Variants in EEF1AKMT1 observed in about 807,000 individuals in gnomAD.
EEF1AKMT1 encodes N-6 adenine-specific DNA methyltransferase 2 (putative).
In EEF1AKMT1, 18 loss-of-function variants were observed where a neutral mutation model predicts 21.0. That is an observed-to-expected ratio of 0.86 (90% confidence interval 0.59 to 1.27). EEF1AKMT1 has a LOEUF of 1.27. Ranked by LOEUF, EEF1AKMT1 falls within the 50% of genes most tolerant of loss-of-function variation. EEF1AKMT1 has a pLI of 0.00. For synonymous variants in EEF1AKMT1, 109 were observed against 94.8 expected (o/e 1.15, Z -0.87); for missense variants, 246 against 258.6 (o/e 0.95, Z 0.33).
At chr13:20,750,728 G>A (rs2058935741) in intron 2 of EEF1AKMT1, among the ~76,000 whole-genome samples, 1 of 152,120 alleles carries the variant, frequency 6.6e-6, no homozygotes, top group Non-Finnish European at 1.5e-5. Context: ...AGGTCATATG[G>A]TAATTCTGGT....
chr13:20,762,883 G>A (rs1282167317), intron 1 of EEF1AKMT1, among the ~76,000 whole-genome samples: 1 of 152,070 alleles, frequency 6.6e-6, no homozygotes, highest in Admixed American at 6.5e-5. Flanking sequence ...TCATGAATGG[G>A]TGTTGAATTT....
intron 1 of EEF1AKMT1, among the ~76,000 whole-genome samples, chr13:20,765,983 AT>A (rs1360573877): frequency 6.6e-6 from 1 of 152,044 alleles, no homozygotes; most frequent in Non-Finnish European, 1.5e-5. Flanking sequence ...GTAGGCATAT[AT>A]GAAAAGATGC....
intron 2 of EEF1AKMT1, among the ~76,000 whole-genome samples, chr13:20,739,904 T>C (rs955039811): frequency 6.6e-6 from 1 of 152,248 alleles, no homozygotes; most frequent in Non-Finnish European, 1.5e-5. Context: ...CAGGCAGAGC[T>C]GCCCACCAGT....
chr13:20,739,542 C>A (rs577934172), intron 2 of EEF1AKMT1, among the ~76,000 whole-genome samples: 45 of 152,236 alleles, frequency 3.0e-4, no homozygotes, highest in Non-Finnish European at 5.7e-4. Context: ...GAGCTAGACA[C>A]AGAGTGCTGA....
rs530371062 is a variant in EEF1AKMT1 at position 20,743,119 on chromosome 13, T to G, written c.145-5314A>C. 2.0e-5 allele frequency among the ~76,000 whole-genome samples: 3 copies of G among 152,258 alleles called. No individual in the cohort carries two copies. The South Asian group carries it at 6.2e-4, about 32-fold the overall frequency. ...TCTCACTCTGTTGCCCAGCCTGGAG[T>G]GCAGTGGCGCAATCTCAGCTCACTA... On this transcript the variant is annotated intron_variant, in intron 2 of 4. Coordinates refer to ENST00000382758, the MANE Select transcript of EEF1AKMT1 (RefSeq NM_001318939.2).
chr13:20,739,362 G>A (rs765514723), intron 2 of EEF1AKMT1, among the ~76,000 whole-genome samples: 12 of 152,208 alleles, frequency 7.9e-5, no homozygotes, highest in Admixed American at 2.6e-4. Context: ...CCGCCGCTAA[G>A]CAGGGGCAGC....
At chr13:20,753,225 C>T (rs2058952622) in intron 2 of EEF1AKMT1, among the ~76,000 whole-genome samples, 1 of 151,974 alleles carries the variant, frequency 6.6e-6, no homozygotes, top group Admixed American at 6.6e-5. Flanking sequence ...TATTTAAATT[C>T]CCTGTATTTT....
At chr13:20,752,878 T>A (rs1595023935) in intron 2 of EEF1AKMT1, among the ~76,000 whole-genome samples, 1 of 152,136 alleles carries the variant, frequency 6.6e-6, no homozygotes, top group Middle Eastern at 3.4e-3. Flanking sequence ...GTTTTCCCTA[T>A]GTTTTCAAAA....
intron 3 of EEF1AKMT1, among the ~76,000 whole-genome samples, chr13:20,733,905 T>C (rs79232142): frequency 0.028 from 4,340 of 152,338 alleles, 97 homozygotes; most frequent in Non-Finnish European, 0.044. Flanking sequence ...CCCGTCTTAC[T>C]TAGGTACCCA....
At chr13:20,760,202 C>T (rs2141433954) in intron 1 of EEF1AKMT1, among the ~76,000 whole-genome samples, 1 of 151,092 alleles carries the variant, frequency 6.6e-6, no homozygotes, top group East Asian at 1.9e-4. Flanking sequence ...TGTAAGTTAG[C>T]TAATCCTATG....
chr13:20,748,726 GTTTT>G (rs750094631), intron 2 of EEF1AKMT1, among the ~76,000 whole-genome samples: 1 of 72,614 alleles, frequency 1.4e-5, no homozygotes, highest in Non-Finnish European at 2.2e-5. Flanking sequence ...TTTTTTTTTG[GTTTT>G]TTTTTTTTTT....
At chr13:20,768,188 C>T (rs1319363302) in intron 1 of EEF1AKMT1, among the ~76,000 whole-genome samples, 1 of 152,192 alleles carries the variant, frequency 6.6e-6, no homozygotes, top group African/African-American at 2.4e-5. Flanking sequence ...GAATGCCAGA[C>T]ATTGTGGATT....
intron 1 of EEF1AKMT1, among the ~76,000 whole-genome samples, chr13:20,771,527 A>G (rs1201294785): frequency 6.6e-6 from 1 of 152,230 alleles, no homozygotes; most frequent in Non-Finnish European, 1.5e-5. Flanking sequence ...AGAGGAAAAG[A>G]CAGACTAAAA....
In EEF1AKMT1 at chr13:20,767,652, G is replaced by T. The variant is rs187231717; in HGVS notation, c.-20+6269C>A. On this transcript the variant is annotated intron_variant, in intron 1 of 4. Transcript: ENST00000382758. The stretch of plus-strand genomic sequence containing the variant: ...ATTTGATTATGATGTGCCTTGGTGT[G>T]GTTTTTTACACGTTTCTTGTATTTT... Among the ~76,000 whole-genome samples, 1,194 of 152,038 alleles carry T rather than the reference G, an allele frequency of 7.9e-3. 28 individuals carry two copies. In the South Asian group the frequency reaches 0.095, roughly 12 times the overall value.
intron 1 of EEF1AKMT1, among the ~76,000 whole-genome samples, chr13:20,768,585 A>T (rs908759169): frequency 6.6e-6 from 1 of 152,082 alleles, no homozygotes; most frequent in African/African-American, 2.4e-5. Flanking sequence ...CACTCTAGCC[A>T]TCTTGGCCTA....
chr13:20,761,110 G>A (rs751125546), intron 1 of EEF1AKMT1, among the ~76,000 whole-genome samples: 21 of 152,150 alleles, frequency 1.4e-4, no homozygotes, highest in Middle Eastern at 3.2e-3. Flanking sequence ...ATTTGCAGGC[G>A]TATGCACATG....
chr13:20,739,248 C>T (rs979199194), intron 2 of EEF1AKMT1, among the ~76,000 whole-genome samples: 10 of 152,196 alleles, frequency 6.6e-5, no homozygotes, highest in Non-Finnish European at 1.3e-4. Flanking sequence ...AGTGTTACAG[C>T]TCATAAAGGC....
chr13:20,746,083 A>G (rs2058902387), intron 2 of EEF1AKMT1, among the ~76,000 whole-genome samples: 1 of 150,986 alleles, frequency 6.6e-6, no homozygotes, highest in Non-Finnish European at 1.5e-5. Flanking sequence ...CACGTTTAAA[A>G]TATTTCCAAA....
chr13:20,769,979 T>C (rs1367866314), intron 1 of EEF1AKMT1, among the ~76,000 whole-genome samples: 1 of 151,966 alleles, frequency 6.6e-6, no homozygotes, highest in Non-Finnish European at 1.5e-5. Flanking sequence ...AAAAGGAGAC[T>C]AAGTAGAAAT....
Sources: allele counts gnomAD v4.1 joint callset (sites outside exome capture counted in the v4.1 genomes callset), GRCh38; gene constraint gnomAD v4.1.1; transcripts MANE v1.5; gene names NCBI Gene and HGNC (gene_info 2026-07-23, HGNC 2026-07-21).